XIRP2: variants seen among roughly 807,000 people sequenced by gnomAD.
XIRP2 encodes xin actin binding repeat containing 2.
XIRP2 carries 236 observed loss-of-function variants against 277.0 expected under a neutral mutation model. The observed-to-expected ratio is 0.85, with a 90% CI of 0.77 to 0.95. The LOEUF (loss-of-function observed/expected upper bound fraction) is 0.95. Ranked by LOEUF, XIRP2 falls within the 40% of genes least tolerant of loss-of-function variation. The pLI is 0.00. For synonymous variants in XIRP2, 1,490 were observed against 1,416.5 expected, an observed-to-expected ratio of 1.05 and a Z score of -1.17; for missense variants, 4,640 against 4,157.5, an observed-to-expected ratio of 1.12 and a Z score of -3.19.
intron 10 of XIRP2, among the ~76,000 whole-genome samples, chr2:167,257,310 T>C (rs1695683355): frequency 6.6e-6 from 1 of 151,998 alleles, no homozygotes; most frequent in Admixed American, 6.6e-5. Flanking sequence ...TGCTATCTTG[T>C]TGATGTATCT....
At chr2:167,169,402 C>T (rs1692619800) in intron 3 of XIRP2, among the ~76,000 whole-genome samples, 2 of 152,202 alleles carry the variant, frequency 1.3e-5, no homozygotes, top group Admixed American at 6.5e-5. Flanking sequence ...AATAACTCCT[C>T]AAGTACAGTT....
rs1159006315 is a variant in XIRP2, at chr2:167,184,633, T to G, written c.563-26102T>G. On this transcript the variant is annotated intron_variant, in intron 3 of 10. Coordinates refer to ENST00000409195, the MANE Select transcript of XIRP2 (RefSeq NM_152381.6). Reference sequence around the variant, plus strand: ...CCAAGAACAGCCTCAAATCCTCAACTTATATTTGTAAGGTTCTCGTCTTTC... The same window carrying G: ...CCAAGAACAGCCTCAAATCCTCAACGTATATTTGTAAGGTTCTCGTCTTTC... 8.4e-6 allele frequency: 6 copies of G among 716,940 alleles called. No homozygotes were observed. The Admixed American group carries it at 1.2e-4, about 14-fold the overall frequency. The allele number at this position is 716,940 out of a possible 1,614,324, so 44.4% of individuals were successfully genotyped here.
At chr2:167,106,412 AAAGGTTAAAAGTCGATCCCTTCTTCATTG>A (rs998124236) in intron 2 of XIRP2, among the ~76,000 whole-genome samples, 2 of 151,746 alleles carry the variant, frequency 1.3e-5, no homozygotes, top group African/African-American at 2.4e-5. Flanking sequence ...CAATTACTGA[AAAGGTTAAAAGTCGATCCCTTCTTCATTG>A]AACTGCTTTT....
chr2:167,021,079 G>A (rs968088747), intron 2 of XIRP2, among the ~76,000 whole-genome samples: 6 of 151,928 alleles, frequency 3.9e-5, no homozygotes, highest in African/African-American at 1.4e-4. Flanking sequence ...TAAATTGGGA[G>A]GATTATTATT....
intron 5 of XIRP2, among the ~76,000 whole-genome samples, chr2:167,227,100 G>A (rs1482538805): frequency 1.3e-5 from 2 of 152,072 alleles, no homozygotes; most frequent in African/African-American, 4.8e-5. Flanking sequence ...CTATCCCAGG[G>A]TTGACCTCTC....
chr2:167,061,753 T>A (rs936048815), intron 2 of XIRP2, among the ~76,000 whole-genome samples: 1 of 152,056 alleles, frequency 6.6e-6, no homozygotes. Context: ...GATGCATCTA[T>A]AACCCAAGTA....
At chr2:167,007,511 G>A (rs1435750859) in intron 2 of XIRP2, among the ~76,000 whole-genome samples, 4 of 151,590 alleles carry the variant, frequency 2.6e-5, no homozygotes, top group East Asian at 1.9e-4. Flanking sequence ...GTAATAATAT[G>A]TAGCAAAGTA....
chr2:167,141,299 A>G (rs759217292), intron 3 of XIRP2, among the ~76,000 whole-genome samples: 19 of 152,162 alleles, frequency 1.2e-4, no homozygotes, highest in Admixed American at 6.5e-5. Flanking sequence ...TCATTCATCA[A>G]ACAAATAAGT....
chr2:167,024,003 G>C (rs1332590338), intron 2 of XIRP2, among the ~76,000 whole-genome samples: 1 of 152,060 alleles, frequency 6.6e-6, no homozygotes, highest in Non-Finnish European at 1.5e-5. Flanking sequence ...AAAGTCATTG[G>C]TAGCTTGATG....
At chr2:167,009,827 A>G (rs371192775) in intron 2 of XIRP2, among the ~76,000 whole-genome samples, 2 of 152,126 alleles carry the variant, frequency 1.3e-5, no homozygotes, top group East Asian at 3.9e-4. Context: ...GACGGTGAGC[A>G]TTTCTTCATG....
chr2:167,152,876 G>T (rs960871244), intron 3 of XIRP2, among the ~76,000 whole-genome samples: 1 of 152,074 alleles, frequency 6.6e-6, no homozygotes, highest in Admixed American at 6.6e-5. Context: ...TTTCTAAAAG[G>T]TGGGTGGTTC....
chr2:167,079,693 C>A (rs1353225259), intron 2 of XIRP2, among the ~76,000 whole-genome samples: 1 of 151,694 alleles, frequency 6.6e-6, no homozygotes, highest in Admixed American at 6.6e-5. Context: ...GTCACCTTTG[C>A]CGTCTCTGAT....
intron 2 of XIRP2, among the ~76,000 whole-genome samples, chr2:166,979,299 T>C (rs1014144161): frequency 6.6e-6 from 1 of 152,038 alleles, no homozygotes; most frequent in Non-Finnish European, 1.5e-5. Context: ...TTAACTCTAG[T>C]ATGGTAAAGT....
At chr2:167,256,276 T>G (rs1044845472) in intron 10 of XIRP2, among the ~76,000 whole-genome samples, 1 of 151,696 alleles carries the variant, frequency 6.6e-6, no homozygotes, top group East Asian at 1.9e-4. Context: ...ATTTTTATTA[T>G]CTGTCTCTTT....
At chr2:167,081,291 C>A (rs1689725689) in intron 2 of XIRP2, among the ~76,000 whole-genome samples, 1 of 152,034 alleles carries the variant, frequency 6.6e-6, no homozygotes, top group South Asian at 2.1e-4. Flanking sequence ...CACAGCAAGA[C>A]CCTCATGTCT....
At chr2:167,015,391 C>G (rs1283143494) in intron 2 of XIRP2, among the ~76,000 whole-genome samples, 18 of 151,070 alleles carry the variant, frequency 1.2e-4, no homozygotes. Context: ...AGTACCTATC[C>G]CAAACACGAT....
chr2:167,218,078 A>G (rs1559025882), intron 4 of XIRP2, 88 bp from the exon 5 acceptor site: 3 of 1,186,564 alleles, frequency 2.5e-6, no homozygotes, highest in African/African-American at 1.6e-5. Flanking sequence ...CTGTCTATCA[A>G]TAAATGTCAA....
At chr2:167,201,534 G>T (rs143810195) in intron 3 of XIRP2, among the ~76,000 whole-genome samples, 72 of 152,220 alleles carry the variant, frequency 4.7e-4, no homozygotes, top group Non-Finnish European at 9.1e-4. Context: ...TCCCTTCCTT[G>T]CAGTTAAGTT....
intron 2 of XIRP2, among the ~76,000 whole-genome samples, chr2:167,128,796 TG>T (rs1461526262): frequency 6.6e-6 from 1 of 152,176 alleles, no homozygotes; most frequent in Non-Finnish European, 1.5e-5. Flanking sequence ...CACTCTTTTT[TG>T]TTACAATACT....
Sources: allele counts gnomAD v4.1 joint callset (sites outside exome capture counted in the v4.1 genomes callset), GRCh38; gene constraint gnomAD v4.1.1; transcripts MANE v1.5; gene names NCBI Gene and HGNC (gene_info 2026-07-23, HGNC 2026-07-21).